The following GALNTL6 variants were observed in gnomAD, a reference collection of about 807,000 sequenced individuals.
GALNTL6 encodes polypeptide N-acetylgalactosaminyltransferase like 6, also known as polypeptide N-acetylgalactosaminyltransferase-like 6.
GALNTL6 carries 46 observed loss-of-function variants against 73.7 expected under a neutral mutation model. The ratio of observed to expected loss-of-function variants is 0.62; its 90% CI spans 0.49 to 0.80. The LOEUF (loss-of-function observed/expected upper bound fraction) is 0.80, where lower values mean the gene tolerates loss of function less well. Ranked by LOEUF, GALNTL6 falls within the 30% of genes least tolerant of loss-of-function variation. GALNTL6 has a pLI of 0.00. For missense variants in GALNTL6, 604 were observed against 755.0 expected (o/e 0.80, Z 2.34); for synonymous variants, 259 against 263.7 (o/e 0.98, Z 0.17).
intron 5 of GALNTL6, among the ~76,000 whole-genome samples, chr4:172,674,902 G>A (rs984365559): frequency 8.6e-5 from 13 of 152,016 alleles, no homozygotes; most frequent in African/African-American, 2.7e-4. Context: ...TAACTTCCTT[G>A]CACTGGGTTT....
At chr4:172,690,848 T>G (rs1206092472) in intron 5 of GALNTL6, among the ~76,000 whole-genome samples, 1 of 152,234 alleles carries the variant, frequency 6.6e-6, no homozygotes, top group African/African-American at 2.4e-5. Context: ...GAATCATTGA[T>G]GTTTATTATA....
chr4:172,967,366 A>G (rs1750378562), intron 10 of GALNTL6, among the ~76,000 whole-genome samples: 1 of 152,358 alleles, frequency 6.6e-6, no homozygotes, highest in Non-Finnish European at 1.5e-5. Context: ...TAACAAGATA[A>G]TCTCAGGAGG....
intron 5 of GALNTL6, among the ~76,000 whole-genome samples, chr4:172,703,208 C>G (rs1301381763): frequency 6.6e-6 from 1 of 151,984 alleles, no homozygotes; most frequent in Non-Finnish European, 1.5e-5. Context: ...CCTAATTGCT[C>G]TGACTACAAC....
At chr4:172,699,220 C>A (rs1733881689) in intron 5 of GALNTL6, among the ~76,000 whole-genome samples, 1 of 152,104 alleles carries the variant, frequency 6.6e-6, no homozygotes, top group African/African-American at 2.4e-5. Context: ...TACCATCACA[C>A]TGGGGACTAG....
At chr4:172,069,556 TTATATATAACACATATATGTTATATATTA>T (rs1490088864) in intron 2 of GALNTL6, among the ~76,000 whole-genome samples, 1 of 74,556 alleles carries the variant, frequency 1.3e-5, no homozygotes, top group African/African-American at 5.0e-5. Flanking sequence ...CACATATATG[TTATATATAACACATATATGTTATATATTA>T]TATATATAAC....
At chr4:172,335,000 A>G (rs1296169316) in intron 4 of GALNTL6, among the ~76,000 whole-genome samples, 3 of 139,406 alleles carry the variant, frequency 2.2e-5, no homozygotes, top group Non-Finnish European at 4.6e-5. Context: ...TTTTTTTTTG[A>G]GACAGAGTCT....
chr4:172,579,108 G>C (rs112231679), intron 5 of GALNTL6, among the ~76,000 whole-genome samples: 87 of 152,256 alleles, frequency 5.7e-4, no homozygotes, highest in African/African-American at 2.0e-3. Context: ...CTTCAGTTCA[G>C]AATATTTTAA....
intron 3 of GALNTL6, among the ~76,000 whole-genome samples, chr4:172,250,362 G>T (rs753655238): frequency 6.6e-6 from 1 of 152,148 alleles, no homozygotes; most frequent in Non-Finnish European, 1.5e-5. Flanking sequence ...ATGAAACCTT[G>T]GACTTGGACT....
intron 5 of GALNTL6, among the ~76,000 whole-genome samples, chr4:172,519,073 T>C (rs552424702): frequency 1.3e-5 from 2 of 150,176 alleles, no homozygotes; most frequent in Admixed American, 6.7e-5. Context: ...GTTCGAAGAA[T>C]GTATTTTAGA....
In GALNTL6 at chr4:172,577,356, T is replaced by C. The variant is rs181934913; in HGVS notation, c.553+228667T>C. ...AATTATATGAAATTACTTATCAGTT[T>C]GTTCCCTTCGAATTTTTATCCCTCT... On this transcript the variant is annotated intron_variant, in intron 5 of 12. Transcript: ENST00000506823. Among the ~76,000 whole-genome samples, 4 of 152,214 alleles carry C rather than the reference T, an allele frequency of 2.6e-5. No individual in the cohort carries two copies. In the South Asian group the frequency reaches 6.2e-4, roughly 24 times the overall value.
At chr4:172,710,137 ATT>A (rs1206837232) in intron 5 of GALNTL6, among the ~76,000 whole-genome samples, 5 of 152,170 alleles carry the variant, frequency 3.3e-5, no homozygotes, top group Non-Finnish European at 7.4e-5. Context: ...TTCTAAGACA[ATT>A]TATATTGTTG....
intron 3 of GALNTL6, among the ~76,000 whole-genome samples, chr4:172,303,011 T>A (rs1011495666): frequency 1.3e-5 from 2 of 152,158 alleles, no homozygotes; most frequent in African/African-American, 4.8e-5. Context: ...TTTATTTTTA[T>A]TTTTTTGAAA....
chr4:172,158,030 G>A (rs1184181866), intron 2 of GALNTL6, among the ~76,000 whole-genome samples: 1 of 152,162 alleles, frequency 6.6e-6, no homozygotes, highest in East Asian at 1.9e-4. Flanking sequence ...TTGGCCATTT[G>A]TGGCAACCTC....
At chr4:172,209,080 A>C (rs1267594004) in intron 2 of GALNTL6, among the ~76,000 whole-genome samples, 2 of 152,104 alleles carry the variant, frequency 1.3e-5, no homozygotes, top group Non-Finnish European at 2.9e-5. Context: ...AGAAAAGCTA[A>C]ATTACAAGGA....
intron 11 of GALNTL6, among the ~76,000 whole-genome samples, chr4:173,011,217 C>A (rs1353137931): frequency 6.6e-6 from 1 of 152,154 alleles, no homozygotes; most frequent in Non-Finnish European, 1.5e-5. Context: ...AGGTTTTTTA[C>A]ATAGAGTTGT....
At chr4:172,146,348 G>A (rs964081475) in intron 2 of GALNTL6, among the ~76,000 whole-genome samples, 1 of 152,038 alleles carries the variant, frequency 6.6e-6, no homozygotes, top group Admixed American at 6.6e-5. Context: ...TTGGAAGTGT[G>A]AACTATAGAA....
At chr4:172,025,813 GT>G (rs1741555117) in intron 2 of GALNTL6, among the ~76,000 whole-genome samples, 1 of 151,958 alleles carries the variant, frequency 6.6e-6, no homozygotes, top group African/African-American at 2.4e-5. Flanking sequence ...GTATGTTTGT[GT>G]GTGTGTGTGT....
Position 172,904,934 on chromosome 4 carries a change from G to T in GALNTL6, c.1041+22027G>T, listed in dbSNP as rs140362907. Reference sequence around the variant, plus strand: ...CACAAATGCACATATATAATTTAAAGGGATTGAAATATGTCTGAGATTTTA... The same window carrying T: ...CACAAATGCACATATATAATTTAAATGGATTGAAATATGTCTGAGATTTTA... On this transcript the variant is annotated intron_variant, in intron 8 of 12. Coordinates refer to ENST00000506823, the MANE Select transcript of GALNTL6 (RefSeq NM_001034845.3). Among the ~76,000 whole-genome samples the T allele has an allele frequency of 2.1e-3, 315 of 152,172 alleles. 1 individual carries two copies. Among genetic ancestry groups the T allele is most frequent in the Middle Eastern group, 0.02 (6 of 294 alleles).
At chr4:172,807,884 G>A (rs1340114697) in intron 5 of GALNTL6, among the ~76,000 whole-genome samples, 1 of 152,116 alleles carries the variant, frequency 6.6e-6, no homozygotes, top group Non-Finnish European at 1.5e-5. Context: ...GTGCAGCGGT[G>A]CGATCTCAGC....
Sources: gnomAD v4.1 joint callset for allele counts (sites outside exome capture counted in the v4.1 genomes callset) on GRCh38, gnomAD v4.1.1 for gene constraint, MANE v1.5 for transcripts, NCBI Gene and HGNC (gene_info 2026-07-23, HGNC 2026-07-21) for gene names.